Variants in PRDM2 observed in about 807,000 individuals in gnomAD.
PRDM2 encodes PR domain zinc finger protein 2.
A neutral mutation model predicts 130.0 loss-of-function variants in PRDM2; 30 were observed. That is an observed-to-expected ratio of 0.23 (90% CI 0.17 to 0.31). The LOEUF is 0.31. Ranked by LOEUF, PRDM2 falls within the 10% of genes least tolerant of loss-of-function variation. The probability of loss-of-function intolerance (pLI) is 1.00; values close to 1 mark genes in which losing one functional copy is unlikely to be tolerated. For missense variants in PRDM2, 2,011 were observed against 2,108.4 expected, an observed-to-expected ratio of 0.95 and a Z score of 0.90; for synonymous variants, 871 against 782.4, an observed-to-expected ratio of 1.11 and a Z score of -1.89.
At chr1:13,815,318 G>T (rs561480232) in intron 8 of PRDM2, among the ~76,000 whole-genome samples, 3 of 151,966 alleles carry the variant, frequency 2.0e-5, no homozygotes, top group Non-Finnish European at 4.4e-5. Context: ...CACCATGTTC[G>T]CCAGGCTGGT....
At chr1:13,714,290 T>G (rs1260012673) in intron 1 of PRDM2, among the ~76,000 whole-genome samples, 1 of 152,064 alleles carries the variant, frequency 6.6e-6, no homozygotes, top group Non-Finnish European at 1.5e-5. Context: ...ATGCTCAGTA[T>G]TAAAATGTAA....
At chr1:13,805,729 T>G (rs766648274) in intron 8 of PRDM2, among the ~76,000 whole-genome samples, 14 of 152,206 alleles carry the variant, frequency 9.2e-5, no homozygotes, top group Non-Finnish European at 2.1e-4. Context: ...GCCAGCGATG[T>G]GGCCTAACCA....
At position 13,782,280 on chromosome 1, in the gene PRDM2, G is replaced by C. The variant is rs762188101; in HGVS notation, c.4485G>C (p.Lys1495Asn). ...AAAAAAAAGTTTCTCATTCATCTAA[G>C]AAAGGTGGACACTCATCACCTGCAA... ...PPKKKVSHSS[K>N]KGGHSSPASS... Residue 1495 changes from lysine (K) to asparagine (N), a missense_variant, in exon 8 of 10, where the codon AAG (lysine) becomes AAC (asparagine). Around this residue, in one of 5 missense-constraint regions of PRDM2, gnomAD observed 410 missense variants for 395.9 expected, o/e 1.04. Transcript: ENST00000311066. 1 of 1,613,856 alleles carries C rather than the reference G, an allele frequency of 6.2e-7. No individual in the cohort carries two copies. The highest frequency in any genetic ancestry group is 8.5e-7 in the Non-Finnish European group (1 of 1,179,990).
rs936540315 is a variant in PRDM2 at position 13,733,829 on chromosome 1, T to C, written c.231+947T>C. On this transcript the variant is annotated intron_variant, in intron 4 of 9. Coordinates refer to ENST00000311066, the MANE Select transcript of PRDM2 (RefSeq NM_001393986.1). ...TGACTCCTTTTCAAAACAAGTTAAG[T>C]TTTTGGATGATGAGAAAAAGCATTC... 4.6e-5 allele frequency among the ~76,000 whole-genome samples: 7 copies of C among 152,134 alleles called. No individual in the cohort carries two copies. In the East Asian group the frequency reaches 1.3e-3, roughly 29 times the overall value.
chr1:13,814,299 G>A (rs1645222434), intron 8 of PRDM2, among the ~76,000 whole-genome samples: 1 of 152,166 alleles, frequency 6.6e-6, no homozygotes, highest in Admixed American at 6.5e-5. Context: ...TTGCACAGGC[G>A]AGTAGACTGA....
chr1:13,717,430 G>A, intron 2 of PRDM2: 1 of 985,316 alleles, frequency 1.0e-6, no homozygotes, highest in Non-Finnish European at 1.2e-6. Context: ...ATGGTTGTGA[G>A]TTCTTCCAAA....
chr1:13,801,612 G>A (rs1197890446), intron 8 of PRDM2, among the ~76,000 whole-genome samples: 3 of 152,210 alleles, frequency 2.0e-5, no homozygotes, highest in Non-Finnish European at 2.9e-5. Flanking sequence ...AAATGCACTA[G>A]TGCCCGTCTC....
intron 1 of PRDM2, among the ~76,000 whole-genome samples, chr1:13,715,163 C>G (rs1055871405): frequency 4.6e-5 from 7 of 152,136 alleles, no homozygotes; most frequent in African/African-American, 1.7e-4. Flanking sequence ...TGTTTACGTA[C>G]AACACAGTAT....
At chr1:13,748,713 A>T (rs750195591) in intron 5 of PRDM2, among the ~76,000 whole-genome samples, 19 of 152,242 alleles carry the variant, frequency 1.2e-4, no homozygotes, top group Non-Finnish European at 2.5e-4. Context: ...GTTTAGGAGC[A>T]TAATACATGG....
chr1:13,794,051 A>G (rs1026899168), intron 8 of PRDM2, among the ~76,000 whole-genome samples: 1 of 152,196 alleles, frequency 6.6e-6, no homozygotes, highest in Non-Finnish European at 1.5e-5. Context: ...TGCCATGATT[A>G]CATAGAAATG....
intron 9 of PRDM2, 131 bp downstream of exon 9, chr1:13,816,701 A>G: frequency 8.0e-7 from 1 of 1,249,606 alleles, no homozygotes. Flanking sequence ...GGCACGGTGC[A>G]GGGCCTCCCT....
Position 13,804,266 on chromosome 1 carries a change from C to T in PRDM2, c.5037-12161C>T, listed in dbSNP as rs1300292733. Among the ~76,000 whole-genome samples the T allele has an allele frequency of 2.0e-5, 3 of 152,170 alleles. No homozygotes were observed. In the East Asian group the frequency reaches 5.8e-4, roughly 29 times the overall value. Reference sequence around the variant, plus strand: ...AAGGGCTCTGTCTCACCTGAAGGCACCGCAGCGACTCCTTGGGCTGGTGGT... The same window carrying T: ...AAGGGCTCTGTCTCACCTGAAGGCATCGCAGCGACTCCTTGGGCTGGTGGT... On this transcript the variant is annotated intron_variant, in intron 8 of 9. Transcript: ENST00000311066.
At chr1:13,791,787 T>C (rs1419190151) in intron 8 of PRDM2, among the ~76,000 whole-genome samples, 2 of 152,262 alleles carry the variant, frequency 1.3e-5, no homozygotes, top group African/African-American at 2.4e-5. Flanking sequence ...AGAAATACTT[T>C]TATTAAAATA....
At position 13,824,112 on chromosome 1, in the gene PRDM2, C is replaced by G. The variant is rs1049316330; in HGVS notation, c.*977C>G. 6 of 152,668 alleles carry G rather than the reference C, an allele frequency of 3.9e-5. No homozygotes were observed. Among genetic ancestry groups the G allele is most frequent in the Non-Finnish European group, 8.8e-5 (6 of 68,044 alleles). 9.5% of individuals were successfully genotyped at this position (152,668 alleles called of 1,614,324 possible). A position where few individuals can be genotyped will look rare whatever the true frequency, so the allele number is the denominator to read the frequency against. Reference sequence around the variant, plus strand: ...GGCGGACGGGGCTGACTCCTGCTCTCTGGAGGACGGTCAGTCCATGTCTCG... The same window carrying G: ...GGCGGACGGGGCTGACTCCTGCTCTGTGGAGGACGGTCAGTCCATGTCTCG... On this transcript the variant is annotated 3_prime_UTR_variant, in exon 10 of 10. Transcript: ENST00000311066.
intron 8 of PRDM2, chr1:13,786,620 C>T: frequency 1.3e-6 from 2 of 1,584,116 alleles, no homozygotes; most frequent in Non-Finnish European, 1.7e-6. Context: ...ACGAAATCTA[C>T]CAAGCTTGCA....
Position 13,782,273 on chromosome 1 carries a change from C to T in PRDM2, c.4478C>T (p.Ser1493Leu). The change falls in exon 8 of 10, where the codon TCA becomes TTA. Residue 1493 changes from serine to leucine, a missense_variant. Around this residue, in one of 5 missense-constraint regions of PRDM2, gnomAD observed 410 missense variants for 395.9 expected, o/e 1.04. Transcript: ENST00000311066. ...LSPPKKKVSH[S>L]SKKGGHSSPA... ...CCTCCCAAAAAAAAAGTTTCTCATT[C>T]ATCTAAGAAAGGTGGACACTCATCA... 1 of 1,613,886 alleles carries T rather than the reference C, an allele frequency of 6.2e-7. No homozygotes were observed.
chr1:13,703,162 A>G (rs1004308044), intron 1 of PRDM2, among the ~76,000 whole-genome samples: 7 of 152,238 alleles, frequency 4.6e-5, no homozygotes, highest in Non-Finnish European at 1.0e-4. Context: ...TGTGGACTCC[A>G]TTACTGAAAA....
chr1:13,822,456 C>T (rs28465973), intron 9 of PRDM2, among the ~76,000 whole-genome samples: 13,306 of 148,110 alleles, frequency 0.09, 718 homozygotes, highest in African/African-American at 0.15. Flanking sequence ...AGTGCAGTGG[C>T]GCGATCTGGG....
chr1:13,781,848 T>C lies in PRDM2; in HGVS notation c.4053T>C (p.His1351=). 1 of 1,614,072 alleles carries C rather than the reference T, an allele frequency of 6.2e-7. No homozygotes were observed. Among genetic ancestry groups the C allele is most frequent in the Non-Finnish European group, 8.5e-7 (1 of 1,179,978 alleles). The change falls in exon 8 of 10, where the codon CAT becomes CAC. Residue 1351 remains histidine, a synonymous_variant. Transcript: ENST00000311066. This position sits in a 1 kb window ranked among gnomAD's most constrained non-coding sequence, Gnocchi z 6.1. ...ACAATATGCCGGAGTTGCACAAACA[T>C]ATCCTGGCTTGTGCTTCTGCAAGTG... ...GVDNMPELHK[H]ILACASASDK...
Sources: allele counts gnomAD v4.1 joint callset (sites outside exome capture counted in the v4.1 genomes callset), GRCh38; gene constraint gnomAD v4.1.1; regional missense constraint gnomAD v4.1.1; non-coding constraint Gnocchi (gnomAD v3.1); transcripts MANE v1.5; gene names NCBI Gene and HGNC (gene_info 2026-07-23, HGNC 2026-07-21).